PCDHGA3: variants seen among roughly 807,000 people sequenced by gnomAD.
The protein encoded by PCDHGA3 is protocadherin gamma-A3.
PCDHGA3 carries 40 observed loss-of-function variants against 58.5 expected under a neutral mutation model. That is an observed-to-expected ratio of 0.68 (90% CI 0.53 to 0.89). PCDHGA3 has a LOEUF of 0.89. PCDHGA3 is among the 40% of genes least tolerant of loss of function. PCDHGA3 has a pLI of 0.00. For synonymous variants in PCDHGA3, 530 were observed against 525.7 expected, an observed-to-expected ratio of 1.01 and a Z score of -0.11; for missense variants, 1,223 against 1,195.9, an observed-to-expected ratio of 1.02 and a Z score of -0.33.
chr5:141,490,157 G>A lies in PCDHGA3; in HGVS notation c.2425-4650G>A. 6.2e-7 allele frequency: 1 copy of A among 1,614,210 alleles called. No homozygotes were observed. On this transcript the variant is annotated intron_variant, in intron 1 of 3. Transcript: ENST00000253812. The surrounding 1 kb of genome is among the most constrained non-coding windows in gnomAD (Gnocchi z 5.4). ...AGCAGTGGGGCAATCCATGTGTTGG[G>A]TCCCATAGACTTTGAGGAGTCACGT...
chr5:141,452,015 C>T (rs2098730990), intron 1 of PCDHGA3, among the ~76,000 whole-genome samples: 1 of 152,306 alleles, frequency 6.6e-6, no homozygotes, highest in African/African-American at 2.4e-5. Context: ...GTCCAGCCCA[C>T]ACTCTGGGGA....
chr5:141,494,906 A>T, intron 2 of PCDHGA3, 41 bp downstream of exon 2: 1 of 1,613,800 alleles, frequency 6.2e-7, no homozygotes, highest in Non-Finnish European at 8.5e-7. Flanking sequence ...TCTCTGCGGC[A>T]TTTTCTCAGG....
At chr5:141,371,060 A>G in intron 1 of PCDHGA3, 1 of 1,613,980 alleles carries the variant, frequency 6.2e-7, no homozygotes, top group Non-Finnish European at 8.5e-7. Flanking sequence ...AGCCCTCCAG[A>G]AGCTGTACCA....
chr5:141,371,864 C>T (rs751844207), intron 1 of PCDHGA3: 1 of 1,613,570 alleles, frequency 6.2e-7, no homozygotes, highest in South Asian at 1.1e-5. Context: ...TCTCCTACTA[C>T]ATCGTGGCCA....
Position 141,485,784 on chromosome 5 carries a change from A to G in PCDHGA3, c.2425-9023A>G, listed in dbSNP as rs760859851. The G allele has an allele frequency of 1.9e-6, 3 of 1,614,096 alleles. No individual in the cohort carries two copies. The African/African-American group carries it at 4.0e-5, about 22-fold the overall frequency. On this transcript the variant is annotated intron_variant, in intron 1 of 3. Transcript: ENST00000253812. This position sits in a 1 kb window ranked among gnomAD's most constrained non-coding sequence, Gnocchi z 5.7. Reference sequence around the variant, plus strand: ...CTGGAGAAGCCTTTGGATCGAGAGAAGCAATCGGACTACCGCCTGGTGCTG... The same window carrying G: ...CTGGAGAAGCCTTTGGATCGAGAGAGGCAATCGGACTACCGCCTGGTGCTG...
intron 1 of PCDHGA3, chr5:141,413,532 A>C (rs1269070438): frequency 9.9e-6 from 16 of 1,613,788 alleles, no homozygotes; most frequent in Non-Finnish European, 1.2e-5. Context: ...ACAGGGTGAA[A>C]CTTTTTGGGA....
intron 1 of PCDHGA3, among the ~76,000 whole-genome samples, chr5:141,461,819 A>G (rs573339238): frequency 1.3e-5 from 2 of 149,282 alleles, no homozygotes; most frequent in African/African-American, 2.5e-5. Flanking sequence ...ACACCCAGCT[A>G]ATTTTTTTTT....
At chr5:141,413,454 G>A (rs765318722) in intron 1 of PCDHGA3, 46 of 1,614,026 alleles carry the variant, frequency 2.9e-5, no homozygotes, top group Non-Finnish European at 3.7e-5. Flanking sequence ...CCGCGGGCAG[G>A]ATAGACCGGG....
Position 141,491,987 on chromosome 5 carries a change from T to A in PCDHGA3, c.2425-2820T>A. The A allele has an allele frequency of 1.4e-6, 1 of 736,922 alleles. No individual in the cohort carries two copies. The highest frequency in any genetic ancestry group is 2.0e-6 in the Non-Finnish European group (1 of 490,378). The allele number at this position is 736,922 out of a possible 1,614,324, so 45.6% of individuals were successfully genotyped here. On this transcript the variant is annotated intron_variant, in intron 1 of 3. Coordinates refer to ENST00000253812, the MANE Select transcript of PCDHGA3 (RefSeq NM_018916.4). The surrounding 1 kb of genome is among the most constrained non-coding windows in gnomAD (Gnocchi z 6.9). ...GCCGGGGCCTCCTTCGAGCTTCCGG[T>A]GAATTTCGGGCGATTTCCGCGGGTG...
intron 2 of PCDHGA3, among the ~76,000 whole-genome samples, chr5:141,499,384 A>G (rs2099791576): frequency 6.6e-6 from 1 of 152,200 alleles, no homozygotes. Context: ...TTTTCCACTT[A>G]TAAAATAGTA....
chr5:141,366,591 C>A, intron 1 of PCDHGA3: 1 of 1,614,246 alleles, frequency 6.2e-7, no homozygotes, highest in East Asian at 2.2e-5. Context: ...CAGACCTATT[C>A]CCACGAGGTC....
chr5:141,353,597 C>T (rs570615656), intron 1 of PCDHGA3, among the ~76,000 whole-genome samples: 6 of 152,284 alleles, frequency 3.9e-5, no homozygotes, highest in South Asian at 2.1e-4. Context: ...TCATAATTTT[C>T]TTAACCATTC....
At position 141,490,524 on chromosome 5, in the gene PCDHGA3, T is replaced by C. The variant is rs1197866164; in HGVS notation, c.2425-4283T>C. The C allele has an allele frequency of 1.2e-6, 2 of 1,613,990 alleles. No homozygotes were observed. Among genetic ancestry groups the C allele is most frequent in the Non-Finnish European group, 1.7e-6 (2 of 1,180,018 alleles). On this transcript the variant is annotated intron_variant, in intron 1 of 3. Transcript: ENST00000253812. The surrounding 1 kb of genome is among the most constrained non-coding windows in gnomAD (Gnocchi z 5.4). ...ATATCATCGAGCTGCTGGCCAGCGA[T>C]GCTGGTTCACCTTCCCTACACAAAC...
intron 1 of PCDHGA3, chr5:141,420,475 A>G (rs1590231324): frequency 3.0e-6 from 2 of 665,126 alleles, no homozygotes; most frequent in Admixed American, 7.8e-5. Context: ...ATTTTAAAGC[A>G]AACTACATGG....
chr5:141,428,251 T>G, intron 1 of PCDHGA3: 2 of 893,496 alleles, frequency 2.2e-6, no homozygotes, highest in Non-Finnish European at 3.6e-6. Context: ...ACTGCCAGAC[T>G]TCAGTGACAG....
At chr5:141,387,316 A>G (rs1239342995) in intron 1 of PCDHGA3, among the ~76,000 whole-genome samples, 3 of 152,214 alleles carry the variant, frequency 2.0e-5, no homozygotes, top group African/African-American at 7.2e-5. Flanking sequence ...TCTAATGAGT[A>G]AGTATGGAAA....
intron 1 of PCDHGA3, chr5:141,371,317 A>G: frequency 1.9e-6 from 3 of 1,613,996 alleles, no homozygotes; most frequent in East Asian, 2.2e-5. Flanking sequence ...GGAGAACTGG[A>G]CTTTGAAGAG....
chr5:141,431,876 GA>G lies in PCDHGA3; in HGVS notation c.2425-62930del. 6.2e-7 allele frequency: 1 copy of G among 1,614,188 alleles called. No individual in the cohort carries two copies. Among genetic ancestry groups the G allele is most frequent in the Non-Finnish European group, 8.5e-7 (1 of 1,180,008 alleles). On this transcript the variant is annotated intron_variant, in intron 1 of 3. Transcript: ENST00000253812. The surrounding 1 kb of genome is among the most constrained non-coding windows in gnomAD (Gnocchi z 4.8). ...ATTAATTGCCCTTTTAAATGTAAATGACCAAGATTCTGAGGAAAACGGACAG... is the reference window on the plus strand; with the variant it reads ...ATTAATTGCCCTTTTAAATGTAAATGCCAAGATTCTGAGGAAAACGGACAG...
rs777990962 is a variant in PCDHGA3, at chr5:141,431,580, A to T, written c.2425-63227A>T. ...GCTACCGACCCTGACGAAGGAGTCA[A>T]TGCGGAAGTGAGGTATTCCTTCCGG... is the stretch of plus-strand genomic sequence containing the variant. On this transcript the variant is annotated intron_variant, in intron 1 of 3. Coordinates refer to ENST00000253812, the MANE Select transcript of PCDHGA3 (RefSeq NM_018916.4). The surrounding 1 kb of genome is among the most constrained non-coding windows in gnomAD (Gnocchi z 4.8). The T allele has an allele frequency of 6.2e-7, 1 of 1,614,216 alleles. No individual in the cohort carries two copies.
Sources: allele counts gnomAD v4.1 joint callset (sites outside exome capture counted in the v4.1 genomes callset), GRCh38; gene constraint gnomAD v4.1.1; non-coding constraint Gnocchi (gnomAD v3.1); transcripts MANE v1.5; gene names NCBI Gene and HGNC (gene_info 2026-07-23, HGNC 2026-07-21).